Variants in ZNF684 observed in about 807,000 individuals in gnomAD.
ZNF684 encodes the protein hypothetical protein MGC27466.
In ZNF684, 13 loss-of-function variants were observed where a neutral mutation model predicts 12.8. The ratio of observed to expected loss-of-function variants is 1.02; its 90% CI spans 0.66 to 1.62. ZNF684 has a LOEUF of 1.62. Ranked by LOEUF, ZNF684 falls within the 40% of genes most tolerant of loss-of-function variation. ZNF684 has a pLI of 0.00. For synonymous variants in ZNF684, 118 were observed against 151.8 expected (o/e 0.78, Z 1.64); for missense variants, 384 against 446.9 (o/e 0.86, Z 1.27).
intron 4 of ZNF684, 85 bp downstream of exon 4, chr1:40,541,795 A>G (rs1476331474): frequency 8.9e-7 from 1 of 1,123,700 alleles, no homozygotes; most frequent in Non-Finnish European, 1.3e-6. Context: ...AAATACTCTT[A>G]GAAGCACCTC....
chr1:40,533,209 G>C, intron 2 of ZNF684, 28 bp downstream of exon 2: 1 of 1,610,410 alleles, frequency 6.2e-7, no homozygotes, highest in Non-Finnish European at 8.5e-7. Flanking sequence ...TCATCCAGTT[G>C]TTTAAATCTC....
intron 4 of ZNF684, among the ~76,000 whole-genome samples, chr1:40,541,946 C>T (rs1442613544): frequency 6.6e-6 from 1 of 152,202 alleles, no homozygotes. Flanking sequence ...CCTCAGGCTT[C>T]TCACACTGCC....
intron 2 of ZNF684, among the ~76,000 whole-genome samples, chr1:40,539,236 A>G (rs1208331772): frequency 6.6e-6 from 1 of 151,950 alleles, no homozygotes; most frequent in Non-Finnish European, 1.5e-5. Flanking sequence ...TCACCATGTT[A>G]GCCAGGATGG....
intron 2 of ZNF684, among the ~76,000 whole-genome samples, chr1:40,539,987 A>C (rs1173219417): frequency 2.0e-5 from 3 of 151,914 alleles, no homozygotes; most frequent in African/African-American, 7.3e-5. Context: ...TTTAAGAGTT[A>C]CTTATATATT....
chr1:40,545,991 C>T (rs1328186625), intron 4 of ZNF684, among the ~76,000 whole-genome samples: 1 of 136,212 alleles, frequency 7.3e-6, no homozygotes, highest in Non-Finnish European at 1.5e-5. Context: ...GGCGTGATCT[C>T]GGCTCACCAC....
intron 3 of ZNF684, 54 bp downstream of exon 3, chr1:40,540,766 C>A: frequency 7.2e-7 from 1 of 1,394,506 alleles, no homozygotes; most frequent in Non-Finnish European, 9.4e-7. Flanking sequence ...ACTAATAGTG[C>A]TCATTTTTTA....
At chr1:40,532,214 C>T (rs149533471) in intron 1 of ZNF684, among the ~76,000 whole-genome samples, 44 of 152,284 alleles carry the variant, frequency 2.9e-4, no homozygotes, top group African/African-American at 9.9e-4. Flanking sequence ...GAAGGGTATT[C>T]TCAGCAATCA....
intron 4 of ZNF684, chr1:40,544,782 A>G (rs11208363): frequency 0.25 from 37,679 of 152,596 alleles, 5,941 homozygotes; most frequent in East Asian, 0.54. Flanking sequence ...AAATTCATAG[A>G]AAATGGAGCT....
At chr1:40,534,593 A>C (rs1303783317) in intron 2 of ZNF684, among the ~76,000 whole-genome samples, 1 of 151,948 alleles carries the variant, frequency 6.6e-6, no homozygotes, top group Non-Finnish European at 1.5e-5. Flanking sequence ...ATTCCTGTAC[A>C]TTTCTTATAT....
intron 2 of ZNF684, among the ~76,000 whole-genome samples, chr1:40,533,781 A>G (rs1645969784): frequency 6.6e-6 from 1 of 152,036 alleles, no homozygotes; most frequent in South Asian, 2.1e-4. Context: ...TCATCAAAAT[A>G]ACAAATATTG....
chr1:40,541,674 A>G lies in ZNF684; in HGVS notation c.202A>G (p.Met68Val), dbSNP rs916512865. ...LKVEQGQEPW[M>V]VEGANPHESS... Reference sequence around the variant, plus strand: ...GGTAGAGCAAGGACAAGAGCCATGGATGGTGGAGGGAGCGAATCCACACGA... The same window carrying G: ...GGTAGAGCAAGGACAAGAGCCATGGGTGGTGGAGGGAGCGAATCCACACGA... Residue 68 changes from methionine (M) to valine (V), a missense_variant, in exon 4 of 5, where the codon ATG becomes GTG. Met to Val is a conservative substitution (Grantham distance 21). Coordinates refer to ENST00000372699, the MANE Select transcript of ZNF684 (RefSeq NM_152373.4). 6 of 1,613,470 alleles carry G rather than the reference A, an allele frequency of 3.7e-6. No homozygotes were observed. Among genetic ancestry groups the G allele is most frequent in the South Asian group, 1.1e-5 (1 of 91,072 alleles).
At chr1:40,541,744 A>C in intron 4 of ZNF684, 34 bp downstream of exon 4, 1 of 1,564,900 alleles carries the variant, frequency 6.4e-7, no homozygotes, top group South Asian at 1.1e-5. Flanking sequence ...GGCTGTGTGG[A>C]GTTGAGATCC....
At chr1:40,536,570 A>T (rs1645986750) in intron 2 of ZNF684, among the ~76,000 whole-genome samples, 1 of 146,744 alleles carries the variant, frequency 6.8e-6, no homozygotes, top group Admixed American at 6.8e-5. Flanking sequence ...TGTGCAGGTT[A>T]GTTACATATG....
intron 2 of ZNF684, among the ~76,000 whole-genome samples, chr1:40,538,453 A>T (rs1050571429): frequency 6.6e-6 from 1 of 152,112 alleles, no homozygotes; most frequent in Non-Finnish European, 1.5e-5. Flanking sequence ...ACTATGAATA[A>T]CTCTTACTAT....
chr1:40,545,922 T>C (rs868040803), intron 4 of ZNF684, among the ~76,000 whole-genome samples: 13 of 133,844 alleles, frequency 9.7e-5, no homozygotes, highest in African/African-American at 1.7e-4. Context: ...TTTCTTTTTT[T>C]TTTTTTTTTT....
At chr1:40,546,222 A>G (rs1407648773) in intron 4 of ZNF684, among the ~76,000 whole-genome samples, 2 of 152,100 alleles carry the variant, frequency 1.3e-5, no homozygotes, top group Admixed American at 6.6e-5. Flanking sequence ...TGCCTGGCCT[A>G]TCTCCTGTGT....
At chr1:40,546,237 G>A (rs749153795) in intron 4 of ZNF684, among the ~76,000 whole-genome samples, 2 of 151,896 alleles carry the variant, frequency 1.3e-5, no homozygotes, top group Non-Finnish European at 2.9e-5. Context: ...CTGTGTGTTT[G>A]GTTGTCCTAT....
intron 2 of ZNF684, among the ~76,000 whole-genome samples, chr1:40,539,116 G>A (rs1358774730): frequency 1.3e-5 from 2 of 151,230 alleles, no homozygotes; most frequent in Admixed American, 6.6e-5. Context: ...TGCAACCTCC[G>A]CCTCTCGGGT....
rs141844173 is a variant in ZNF684, at chr1:40,543,659, C to T, written c.238+1949C>T. On this transcript the variant is annotated intron_variant, in intron 4 of 4. Transcript: ENST00000372699. ...TTTTAGTAGAGACGGGGTTTCACCA[C>T]GTTAGCCAGGATGGTCTCGGTCTCC... is the stretch of plus-strand genomic sequence containing the variant. 6.6e-5 allele frequency among the ~76,000 whole-genome samples: 10 copies of T among 152,084 alleles called. No homozygotes were observed. In the East Asian group the frequency reaches 7.7e-4, roughly 12 times the overall value.
Sources: allele counts gnomAD v4.1 joint callset (sites outside exome capture counted in the v4.1 genomes callset), GRCh38; gene constraint gnomAD v4.1.1; transcripts MANE v1.5; gene names NCBI Gene and HGNC (gene_info 2026-07-23, HGNC 2026-07-21).